EEPD1: variants seen among roughly 807,000 people sequenced by gnomAD.
EEPD1 encodes the protein endonuclease/exonuclease/phosphatase family domain containing 1, also known as endonuclease/exonuclease/phosphatase family domain-containing protein 1.
In EEPD1, 17 loss-of-function variants were observed where a neutral mutation model predicts 46.3. That is an observed-to-expected ratio of 0.37 (90% CI 0.25 to 0.55). The LOEUF (loss-of-function observed/expected upper bound fraction) is 0.55. EEPD1 is among the 20% of genes least tolerant of loss of function. The pLI is 0.83. For synonymous variants in EEPD1, 313 were observed against 315.6 expected, an observed-to-expected ratio of 0.99 and a Z score of 0.09; for missense variants, 673 against 745.6, an observed-to-expected ratio of 0.90 and a Z score of 1.13.
chr7:36,156,756 G>T (rs1394357580), intron 2 of EEPD1, among the ~76,000 whole-genome samples: 1 of 152,174 alleles, frequency 6.6e-6, no homozygotes, highest in Non-Finnish European at 1.5e-5. Context: ...CAGAAACTTT[G>T]TTTCTGTGTT....
chr7:36,233,973 C>G (rs752796189), intron 2 of EEPD1, among the ~76,000 whole-genome samples: 2 of 152,072 alleles, frequency 1.3e-5, no homozygotes, highest in Non-Finnish European at 2.9e-5. Flanking sequence ...GGCTGGAGTG[C>G]CTGGTGTCAT....
intron 3 of EEPD1, among the ~76,000 whole-genome samples, chr7:36,261,437 C>A (rs1035553473): frequency 6.6e-6 from 1 of 152,170 alleles, no homozygotes; most frequent in African/African-American, 2.4e-5. Context: ...CACTGCTGTT[C>A]CTTCAAAATT....
intron 2 of EEPD1, among the ~76,000 whole-genome samples, chr7:36,215,545 G>T (rs1786016972): frequency 6.6e-6 from 1 of 152,266 alleles, no homozygotes; most frequent in Admixed American, 6.5e-5. Flanking sequence ...TTCACAGCCA[G>T]CCAAAGCTCT....
At chr7:36,197,300 GC>G (rs1277724017) in intron 2 of EEPD1, among the ~76,000 whole-genome samples, 3 of 144,890 alleles carry the variant, frequency 2.1e-5, no homozygotes, top group Admixed American at 6.7e-5. Flanking sequence ...GGGGGGGTCA[GC>G]CCCCCGCCCG....
chr7:36,234,945 C>T (rs1321391150), intron 2 of EEPD1, among the ~76,000 whole-genome samples: 1 of 143,548 alleles, frequency 7.0e-6, no homozygotes, highest in African/African-American at 2.7e-5. Context: ...CCATGGCCTC[C>T]AGCCCAGGCC....
intron 1 of EEPD1, among the ~76,000 whole-genome samples, chr7:36,153,924 G>A (rs1387619315): frequency 1.3e-5 from 2 of 152,142 alleles, no homozygotes; most frequent in African/African-American, 2.4e-5. Flanking sequence ...GAAGCGGCTC[G>A]TAGCCTTTTT....
chr7:36,196,298 ATTTTT>A (rs113880240), intron 2 of EEPD1, among the ~76,000 whole-genome samples: 1 of 149,542 alleles, frequency 6.7e-6, no homozygotes. Flanking sequence ...GCTACACTAA[ATTTTT>A]TTTTTTAAAG....
chr7:36,214,852 T>G (rs1786002629), intron 2 of EEPD1, among the ~76,000 whole-genome samples: 1 of 152,186 alleles, frequency 6.6e-6, no homozygotes, highest in Non-Finnish European at 1.5e-5. Context: ...GAACCTCCTT[T>G]GGAATTCCCT....
At position 36,155,139 on chromosome 7, in the gene EEPD1, C is replaced by G. The variant is rs1784807109; in HGVS notation, c.815C>G (p.Ser272Cys). 2.0e-6 allele frequency: 3 copies of G among 1,532,550 alleles called. No individual in the cohort carries two copies. Among genetic ancestry groups the G allele is most frequent in the South Asian group, 2.6e-5 (2 of 77,204 alleles). 94.9% of individuals were successfully genotyped at this position (1,532,550 alleles called of 1,614,324 possible). The change falls in exon 2 of 8, where the codon TCC becomes TGC. Residue 272 changes from serine (S) to cysteine (C), a missense_variant. Transcript: ENST00000242108. ...RLATWNLQGC[S>C]VEKANNPGVR... is the part of the protein sequence containing the mutation. ...GCCACCTGGAACTTGCAGGGCTGTT[C>G]CGTGGAGAAGGCCAACAACCCCGGG...
At chr7:36,272,512 T>G (rs796625321) in intron 3 of EEPD1, among the ~76,000 whole-genome samples, 5 of 147,560 alleles carry the variant, frequency 3.4e-5, no homozygotes, top group Admixed American at 6.7e-5. Context: ...TGTTGTTTTT[T>G]TTTTTTTTTT....
chr7:36,158,175 T>C (rs1784852866), intron 2 of EEPD1, among the ~76,000 whole-genome samples: 1 of 152,184 alleles, frequency 6.6e-6, no homozygotes, highest in Non-Finnish European at 1.5e-5. Flanking sequence ...ATGACATGAC[T>C]CTATCAGGCA....
intron 3 of EEPD1, among the ~76,000 whole-genome samples, chr7:36,268,049 G>GC: frequency 6.6e-6 from 1 of 152,308 alleles, no homozygotes; most frequent in East Asian, 1.9e-4. Flanking sequence ...GTAAATATTT[G>GC]TTTTTTGAGC....
At chr7:36,182,617 G>A (rs1026445758) in intron 2 of EEPD1, among the ~76,000 whole-genome samples, 3 of 152,236 alleles carry the variant, frequency 2.0e-5, no homozygotes, top group Non-Finnish European at 4.4e-5. Context: ...CTGGGGCCCC[G>A]CATGGCTTTC....
intron 2 of EEPD1, among the ~76,000 whole-genome samples, chr7:36,237,027 C>G (rs1399672372): frequency 2.0e-5 from 3 of 152,242 alleles, no homozygotes; most frequent in Non-Finnish European, 2.9e-5. Context: ...TGCTGTAACA[C>G]TCACTGCGAA....
chr7:36,220,667 C>T (rs1025609673), intron 2 of EEPD1, among the ~76,000 whole-genome samples: 4 of 152,190 alleles, frequency 2.6e-5, no homozygotes, highest in African/African-American at 9.7e-5. Flanking sequence ...TCATATCCTG[C>T]AGAGAACATG....
intron 2 of EEPD1, among the ~76,000 whole-genome samples, chr7:36,214,895 GC>G (rs1165042164): frequency 6.6e-6 from 1 of 152,124 alleles, no homozygotes; most frequent in African/African-American, 2.4e-5. Context: ...ATAATTAGAG[GC>G]CCCTGTCATG....
rs1297236102 is a variant in EEPD1 at position 36,156,614 on chromosome 7, A to AG, written c.878+1418dup. On this transcript the variant is annotated intron_variant, in intron 2 of 7. Transcript: ENST00000242108. ...ATGCTTTCTAGTGGCTCAATTTGGG[A>AG]GGGGGGTGATGGATTAGGATCAAAA... Among the ~76,000 whole-genome samples the AG allele has an allele frequency of 3.3e-5, 5 of 152,136 alleles. No individual in the cohort carries two copies. The South Asian group carries it at 1.0e-3, about 32-fold the overall frequency.
intron 6 of EEPD1, among the ~76,000 whole-genome samples, chr7:36,289,615 C>G (rs1439381586): frequency 1.3e-5 from 2 of 152,260 alleles, no homozygotes. Flanking sequence ...CTGCCTCAGC[C>G]TCCCGAGTAG....
intron 3 of EEPD1, among the ~76,000 whole-genome samples, chr7:36,257,877 G>A (rs977905136): frequency 6.6e-6 from 1 of 152,176 alleles, no homozygotes; most frequent in Non-Finnish European, 1.5e-5. Context: ...CTGGTGAAGA[G>A]TTGTGATCCT....
Sources: allele counts gnomAD v4.1 joint callset (sites outside exome capture counted in the v4.1 genomes callset), GRCh38; gene constraint gnomAD v4.1.1; transcripts MANE v1.5; gene names NCBI Gene and HGNC (gene_info 2026-07-23, HGNC 2026-07-21).